Variants in ZDHHC11B observed in about 807,000 individuals in gnomAD.
The protein encoded by ZDHHC11B is zDHHC palmitoyltransferase 11B (putative).
ZDHHC11B carries 17 observed loss-of-function variants against 42.3 expected under a neutral mutation model. The observed-to-expected ratio is 0.40, with a 90% confidence interval of 0.27 to 0.60. The LOEUF is 0.60. ZDHHC11B is among the 20% of genes least tolerant of loss of function. The pLI is 0.41. For missense variants in ZDHHC11B, 262 were observed against 463.2 expected (o/e 0.57, Z 3.99); for synonymous variants, 123 against 193.5 (o/e 0.64, Z 3.02).
At chr5:724,708 A>G (rs1191229857) in intron 12 of ZDHHC11B, among the ~76,000 whole-genome samples, 1 of 150,788 alleles carries the variant, frequency 6.6e-6, no homozygotes, top group Non-Finnish European at 1.5e-5. Context: ...GATGCATACT[A>G]TTTATTCCCC....
intron 12 of ZDHHC11B, among the ~76,000 whole-genome samples, chr5:717,217 G>A (rs1307995028): frequency 2.0e-5 from 3 of 151,516 alleles, no homozygotes; most frequent in African/African-American, 7.3e-5. Flanking sequence ...CTCATGCCTG[G>A]TACCTTCTTC....
chr5:753,424 G>A (rs1180866171), intron 6 of ZDHHC11B, among the ~76,000 whole-genome samples: 2 of 131,078 alleles, frequency 1.5e-5, no homozygotes, highest in African/African-American at 5.0e-5. Flanking sequence ...ACACACAGGC[G>A]GTGTCTACAC....
chr5:760,016 G>C (rs1734384183), intron 4 of ZDHHC11B, among the ~76,000 whole-genome samples: 1 of 151,892 alleles, frequency 6.6e-6, no homozygotes, highest in Non-Finnish European at 1.5e-5. Flanking sequence ...GCATGGACAA[G>C]GGCTGGGGCA....
chr5:762,444 A>G (rs1201589909), intron 4 of ZDHHC11B, among the ~76,000 whole-genome samples: 6 of 151,862 alleles, frequency 4.0e-5, no homozygotes, highest in Non-Finnish European at 8.8e-5. Flanking sequence ...GCTCTCTGTG[A>G]GACCAGCTGG....
chr5:736,895 C>T (rs1269199537), intron 10 of ZDHHC11B, among the ~76,000 whole-genome samples: 2 of 130,828 alleles, frequency 1.5e-5, no homozygotes, highest in African/African-American at 5.6e-5. Context: ...TCTAAAGTCA[C>T]ACCTGAAGTA....
At chr5:759,552 A>G (rs1335821421) in intron 4 of ZDHHC11B, among the ~76,000 whole-genome samples, 1 of 151,928 alleles carries the variant, frequency 6.6e-6, no homozygotes, top group Non-Finnish European at 1.5e-5. Context: ...ACAGATTCCA[A>G]TCCATTCCAC....
chr5:721,564 TG>T (rs1213646675), intron 12 of ZDHHC11B, among the ~76,000 whole-genome samples: 5 of 151,232 alleles, frequency 3.3e-5, no homozygotes, highest in Admixed American at 3.3e-4. Flanking sequence ...GGAGCGAGGA[TG>T]GGGGTGGGAT....
chr5:722,916 G>A (rs1403814232), intron 12 of ZDHHC11B, among the ~76,000 whole-genome samples: 5 of 151,552 alleles, frequency 3.3e-5, no homozygotes, highest in Non-Finnish European at 5.9e-5. Flanking sequence ...TACGCACAAT[G>A]TCCTTTCTGT....
intron 12 of ZDHHC11B, among the ~76,000 whole-genome samples, chr5:718,525 C>T (rs1244294990): frequency 6.6e-6 from 1 of 151,200 alleles, no homozygotes; most frequent in Non-Finnish European, 1.5e-5. Flanking sequence ...TACAAAAATA[C>T]AAAAACAAAC....
At chr5:776,674 T>C (rs1157109389) in intron 1 of ZDHHC11B, among the ~76,000 whole-genome samples, 1 of 151,688 alleles carries the variant, frequency 6.6e-6, no homozygotes, top group Non-Finnish European at 1.5e-5. Context: ...GCGGAAGGAG[T>C]GGACAGAGCC....
rs1735424055 is a variant in ZDHHC11B, at chr5:766,630, A to G, written c.222+68T>C. The G allele has an allele frequency of 2.7e-6, 4 of 1,476,760 alleles. No homozygotes were observed. The South Asian group carries it at 5.0e-5, about 19-fold the overall frequency. 91.5% of individuals were successfully genotyped at this position (1,476,760 alleles called of 1,614,324 possible). A position where few individuals can be genotyped will look rare whatever the true frequency, so the allele number is the denominator to read the frequency against. On this transcript the variant is annotated intron_variant, in intron 4 of 13. Coordinates refer to ENST00000508859, the MANE Select transcript of ZDHHC11B (RefSeq NM_001351303.2). ...CGGGCAGCCATGGCCCAGACCCCAC[A>G]GCCAGGTCCATCGCAGGGTCCTCCA...
chr5:773,791 C>A (rs1042345894), intron 1 of ZDHHC11B, among the ~76,000 whole-genome samples: 1 of 151,774 alleles, frequency 6.6e-6, no homozygotes, highest in Admixed American at 6.6e-5. Flanking sequence ...ACCCCCAGGG[C>A]CAGGACCTGC....
chr5:725,159 T>A (rs1276285731), intron 12 of ZDHHC11B, among the ~76,000 whole-genome samples: 1 of 151,262 alleles, frequency 6.6e-6, no homozygotes, highest in African/African-American at 2.4e-5. Flanking sequence ...GTGAGTGAGA[T>A]CTCACTCTCA....
intron 12 of ZDHHC11B, among the ~76,000 whole-genome samples, chr5:720,340 TA>T (rs1301213154): frequency 6.6e-6 from 1 of 151,756 alleles, no homozygotes; most frequent in Admixed American, 6.6e-5. Flanking sequence ...CATTAGAAAC[TA>T]AGGAGGCTCA....
At chr5:744,126 G>A (rs570700780) in intron 9 of ZDHHC11B, among the ~76,000 whole-genome samples, 3 of 150,054 alleles carry the variant, frequency 2.0e-5, no homozygotes, top group South Asian at 2.2e-4. Flanking sequence ...GTGCTGAGCT[G>A]TAGTAATTGA....
At chr5:745,326 A>G in intron 8 of ZDHHC11B, 28 bp from the exon 9 acceptor site, 1 of 1,576,322 alleles carries the variant, frequency 6.3e-7, no homozygotes, top group East Asian at 2.3e-5. Flanking sequence ...GGAACAGGAC[A>G]AGTTACCAGC....
intron 12 of ZDHHC11B, among the ~76,000 whole-genome samples, chr5:717,656 T>G (rs1741855842): frequency 6.6e-6 from 1 of 151,796 alleles, no homozygotes; most frequent in African/African-American, 2.4e-5. Context: ...GGACAGGACA[T>G]CAAAGAAAAG....
chr5:720,380 C>T (rs1399306279), intron 12 of ZDHHC11B, among the ~76,000 whole-genome samples: 1 of 151,672 alleles, frequency 6.6e-6, no homozygotes, highest in Non-Finnish European at 1.5e-5. Flanking sequence ...ATTTAAATGC[C>T]CTGGAAGGTG....
chr5:758,914 C>T (rs1237789559), intron 4 of ZDHHC11B, among the ~76,000 whole-genome samples: 3 of 151,838 alleles, frequency 2.0e-5, no homozygotes, highest in African/African-American at 7.3e-5. Flanking sequence ...CTATGTTTTG[C>T]CCAGACTGAC....
Sources: gnomAD v4.1 joint callset for allele counts (sites outside exome capture counted in the v4.1 genomes callset) on GRCh38, gnomAD v4.1.1 for gene constraint, MANE v1.5 for transcripts, NCBI Gene and HGNC (gene_info 2026-07-23, HGNC 2026-07-21) for gene names.